GPATCH2L: variants seen among roughly 807,000 people sequenced by gnomAD.
The protein encoded by GPATCH2L is G patch domain-containing protein 2-like.
In GPATCH2L, 31 loss-of-function variants were observed where a neutral mutation model predicts 57.4. The observed-to-expected ratio is 0.54, with a 90% CI of 0.41 to 0.73. GPATCH2L has a LOEUF of 0.73. GPATCH2L is among the 30% of genes least tolerant of loss of function. The probability of loss-of-function intolerance (pLI) is 0.00; values close to 1 mark genes in which losing one functional copy is unlikely to be tolerated. For synonymous variants in GPATCH2L, 199 were observed against 210.7 expected (o/e 0.94, Z 0.48); for missense variants, 481 against 599.9 (o/e 0.80, Z 2.07).
In GPATCH2L at chr14:76,173,597, G is replaced by A. The variant is rs777584926; in HGVS notation, c.956G>A (p.Arg319Lys). 1 of 1,612,640 alleles carries A rather than the reference G, an allele frequency of 6.2e-7. No homozygotes were observed. The highest frequency in any genetic ancestry group is 1.7e-5 in the Admixed American group (1 of 60,000). Reference sequence around the variant, plus strand: ...CCTGGAGCTGCAGCTCGATGCCTCAGAAAGGGGCGAAGAAGGCTGGTTGGG... The same window carrying A: ...CCTGGAGCTGCAGCTCGATGCCTCAAAAAGGGGCGAAGAAGGCTGGTTGGG... ...RLPGAAARCL[R>K]KGRRRLVGKE... The change falls in exon 5 of 10, where the codon AGA becomes AAA. Residue 319 changes from arginine to lysine, a missense_variant. Arg to Lys is a conservative substitution (Grantham distance 26). Around this residue, in one of 3 missense-constraint regions of GPATCH2L, gnomAD observed 248 missense variants for 270.5 expected, o/e 0.92. Coordinates refer to ENST00000261530, the MANE Select transcript of GPATCH2L (RefSeq NM_017926.4).
At chr14:76,158,462 A>G (rs1480502830) in intron 2 of GPATCH2L, among the ~76,000 whole-genome samples, 1 of 152,218 alleles carries the variant, frequency 6.6e-6, no homozygotes, top group Non-Finnish European at 1.5e-5. Flanking sequence ...CTCTTTAATT[A>G]TGAGTGTGCT....
chr14:76,189,765 C>T (rs2039897441), intron 8 of GPATCH2L, among the ~76,000 whole-genome samples: 1 of 152,028 alleles, frequency 6.6e-6, no homozygotes, highest in Non-Finnish European at 1.5e-5. Flanking sequence ...GGTGGGCATC[C>T]TTATCATGTT....
rs200600695 is a variant in GPATCH2L, at chr14:76,155,032, T to A, written c.662+7T>A. ...ATGAGAACATGTCAGAATGGTGAGA[T>A]CTCCCTTACTAAGTCAAAGATTTTC... On this transcript the variant is annotated splice_region_variant and intron_variant, in intron 2 of 9. Coordinates refer to ENST00000261530, the MANE Select transcript of GPATCH2L (RefSeq NM_017926.4). 2.4e-4 allele frequency: 383 copies of A among 1,600,274 alleles called. 1 individual carries two copies. The South Asian group carries it at 4.0e-3, about 17-fold the overall frequency.
intron 1 of GPATCH2L, chr14:76,152,498 C>T: frequency 2.8e-6 from 1 of 360,296 alleles, no homozygotes. Context: ...CTCACTTCCA[C>T]CCTGCTCCTG....
chr14:76,182,585 CAAAAAAAA>C (rs66602777), intron 8 of GPATCH2L, among the ~76,000 whole-genome samples: 2 of 84,820 alleles, frequency 2.4e-5, no homozygotes, highest in Admixed American at 1.4e-4. Context: ...GACCCTGTCT[CAAAAAAAA>C]AAAAAAAAAA....
rs556597659 is a variant in GPATCH2L, at chr14:76,154,339, A to G, written c.-10-15A>G. 1 of 1,532,892 alleles carries G rather than the reference A, an allele frequency of 6.5e-7. No homozygotes were observed. Among genetic ancestry groups the G allele is most frequent in the African/African-American group, 1.4e-5 (1 of 71,516 alleles). The allele number at this position is 1,532,892 out of a possible 1,614,324, so 95.0% of individuals were successfully genotyped here. ...TTTTCTTTCTTTCTTTTTTTCCTAA[A>G]CTTCCTTTTGGCAGATGTGGCCTCA... On this transcript the variant is annotated splice_polypyrimidine_tract_variant and intron_variant, in intron 1 of 9. Transcript: ENST00000261530. This position sits in a 1 kb window ranked among gnomAD's most constrained non-coding sequence, Gnocchi z 4.4.
intron 2 of GPATCH2L, among the ~76,000 whole-genome samples, chr14:76,162,693 C>G (rs145610417): frequency 6.6e-6 from 1 of 152,218 alleles, no homozygotes; most frequent in South Asian, 2.1e-4. Flanking sequence ...ACTTTGATTT[C>G]AAAGGAAGAT....
intron 3 of GPATCH2L, among the ~76,000 whole-genome samples, chr14:76,171,640 G>T (rs2039088996): frequency 6.6e-6 from 1 of 151,962 alleles, no homozygotes. Flanking sequence ...CCAGCCACTT[G>T]GGAGGCTGAG....
At chr14:76,215,640 A>G (rs1362750590), downstream of GPATCH2L, among the ~76,000 whole-genome samples, 3 of 151,646 alleles carry the variant, frequency 2.0e-5, no homozygotes, top group African/African-American at 7.3e-5. Context: ...ATTGGAAATC[A>G]TCATTCTCAG....
chr14:76,170,468 G>A (rs1701869697), intron 3 of GPATCH2L: 1 of 152,210 alleles, frequency 6.6e-6, no homozygotes, highest in African/African-American at 2.4e-5. Context: ...ACTACCAACA[G>A]TCTGGATATA....
chr14:76,201,652 C>G (rs568318593), intron 9 of GPATCH2L, 39 bp from the exon 10 acceptor site: 2 of 1,480,086 alleles, frequency 1.4e-6, no homozygotes, highest in East Asian at 4.8e-5. Context: ...AATTTATCTC[C>G]CCTTGATGTT....
rs367965444 is a variant in GPATCH2L at position 76,171,796 on chromosome 14, A to G, written c.728-47A>G. 4.3e-4 allele frequency: 530 copies of G among 1,224,494 alleles called. 2 individuals carry two copies. Among genetic ancestry groups the G allele is most frequent in the Non-Finnish European group, 5.7e-4 (505 of 884,296 alleles). 75.9% of individuals were successfully genotyped at this position (1,224,494 alleles called of 1,614,324 possible). Reference sequence around the variant, plus strand: ...ATCATCCCTCCCATTTGTTTTTCTCAGACCTTGTTTAAAATTCTAGCTTAT... The same window carrying G: ...ATCATCCCTCCCATTTGTTTTTCTCGGACCTTGTTTAAAATTCTAGCTTAT... On this transcript the variant is annotated intron_variant, in intron 3 of 9. Coordinates refer to ENST00000261530, the MANE Select transcript of GPATCH2L (RefSeq NM_017926.4).
intron 2 of GPATCH2L, among the ~76,000 whole-genome samples, chr14:76,166,102 T>A (rs1241543233): frequency 6.6e-5 from 10 of 152,182 alleles, no homozygotes; most frequent in Non-Finnish European, 8.8e-5. Context: ...GTTTTTATAT[T>A]TTTGTTTTTA....
At chr14:76,153,633 A>G (rs1224901061) in intron 1 of GPATCH2L, 1 of 152,196 alleles carries the variant, frequency 6.6e-6, no homozygotes, top group East Asian at 1.9e-4. Flanking sequence ...TAATTATTCA[A>G]AAATATATGA....
rs1160295246 is a variant in GPATCH2L at position 76,177,975 on chromosome 14, T to G, written c.1053-13T>G. 1 of 1,604,420 alleles carries G rather than the reference T, an allele frequency of 6.2e-7. No homozygotes were observed. The highest frequency in any genetic ancestry group is 8.5e-7 in the Non-Finnish European group (1 of 1,171,332). ...GTCATCTTTATTTTATCATTTGGTT[T>G]CCTTTTCTTTAGAAAGAATAAAGCG... is the stretch of plus-strand genomic sequence containing the variant. On this transcript the variant is annotated splice_polypyrimidine_tract_variant and intron_variant, in intron 6 of 9. Coordinates refer to ENST00000261530, the MANE Select transcript of GPATCH2L (RefSeq NM_017926.4).
intron 2 of GPATCH2L, among the ~76,000 whole-genome samples, chr14:76,165,435 T>C (rs2038787195): frequency 6.7e-6 from 1 of 148,570 alleles, no homozygotes; most frequent in Admixed American, 6.8e-5. Context: ...GAGGTTATAG[T>C]GAGCCGAGAT....
intron 8 of GPATCH2L, among the ~76,000 whole-genome samples, chr14:76,189,637 A>T (rs1156253286): frequency 1.3e-5 from 2 of 152,216 alleles, no homozygotes; most frequent in Non-Finnish European, 2.9e-5. Context: ...AGTTCATATC[A>T]TCTACAAACA....
In GPATCH2L at chr14:76,212,731, A is replaced by C. The variant is rs2040455603; in HGVS notation, c.*10880A>C. On this transcript the variant is annotated 3_prime_UTR_variant, in exon 10 of 10. Transcript: ENST00000261530. ...ATTTCCCCATTTGACTGTGTATTAGAGCGTACAGAAAACATAAGTTTCAGA... is the reference window on the plus strand; with the variant it reads ...ATTTCCCCATTTGACTGTGTATTAGCGCGTACAGAAAACATAAGTTTCAGA... The C allele has an allele frequency of 6.6e-6, 1 of 152,136 alleles. No individual in the cohort carries two copies. The allele number at this position is 152,136 out of a possible 1,614,324, so 9.4% of individuals were successfully genotyped here.
chr14:76,228,337 G>A (rs78969744), intron 1 of GPATCH2L, among the ~76,000 whole-genome samples: 17,401 of 152,080 alleles, frequency 0.11, 1,042 homozygotes, highest in Admixed American at 0.15. Context: ...GGTGTTTGAT[G>A]TGTGTGTGTG....
Sources: allele counts gnomAD v4.1 joint callset (sites outside exome capture counted in the v4.1 genomes callset), GRCh38; gene constraint gnomAD v4.1.1; regional missense constraint gnomAD v4.1.1; non-coding constraint Gnocchi (gnomAD v3.1); transcripts MANE v1.5; gene names NCBI Gene and HGNC (gene_info 2026-07-23, HGNC 2026-07-21).